ADAM18: variants seen among roughly 807,000 people sequenced by gnomAD.
ADAM18 encodes ADAM metallopeptidase domain 18, also known as disintegrin and metalloproteinase domain-containing protein 18.
ADAM18 carries 117 observed loss-of-function variants against 94.4 expected under a neutral mutation model. The ratio of observed to expected loss-of-function variants is 1.24; its 90% CI spans 1.07 to 1.45. ADAM18 has a LOEUF of 1.45. ADAM18 is among the 40% of genes most tolerant of loss of function. ADAM18 has a pLI of 0.00. For missense variants in ADAM18, 936 were observed against 880.0 expected, an observed-to-expected ratio of 1.06 and a Z score of -0.81; for synonymous variants, 327 against 291.6, an observed-to-expected ratio of 1.12 and a Z score of -1.24.
At position 39,659,562 on chromosome 8, in the gene ADAM18, C is replaced by T. The variant is rs569374175; in HGVS notation, c.1231-4233C>T. Reference sequence around the variant, plus strand: ...TCTCTGAAATATGTAAAACAAAATACGTGGAATATGCACATATCCATCCAT... The same window carrying T: ...TCTCTGAAATATGTAAAACAAAATATGTGGAATATGCACATATCCATCCAT... On this transcript the variant is annotated intron_variant, in intron 12 of 19. Coordinates refer to ENST00000265707, the MANE Select transcript of ADAM18 (RefSeq NM_014237.3). Among the ~76,000 whole-genome samples the T allele has an allele frequency of 7.9e-5, 12 of 152,026 alleles. No homozygotes were observed. The South Asian group carries it at 2.1e-3, about 26-fold the overall frequency.
At chr8:39,628,744 G>A (rs1819844938) in intron 6 of ADAM18, among the ~76,000 whole-genome samples, 1 of 152,002 alleles carries the variant, frequency 6.6e-6, no homozygotes, top group South Asian at 2.1e-4. Context: ...TCAATAAAGT[G>A]TTAAATGAGG....
At chr8:39,624,179 T>C (rs1260221931) in intron 6 of ADAM18, among the ~76,000 whole-genome samples, 1 of 152,260 alleles carries the variant, frequency 6.6e-6, no homozygotes, top group Non-Finnish European at 1.5e-5. Flanking sequence ...TTTATTTATC[T>C]TTGTTGCATT....
At chr8:39,683,354 C>A (rs1339190431) in intron 16 of ADAM18, among the ~76,000 whole-genome samples, 1 of 152,202 alleles carries the variant, frequency 6.6e-6, no homozygotes, top group Non-Finnish European at 1.5e-5. Flanking sequence ...AAGCAAAAGA[C>A]CAAGCTATGC....
intron 6 of ADAM18, among the ~76,000 whole-genome samples, chr8:39,623,819 A>G (rs543455897): frequency 1.8e-4 from 27 of 152,156 alleles, no homozygotes; most frequent in Non-Finnish European, 3.5e-4. Flanking sequence ...GATGGTGTTG[A>G]TCTCCTGACC....
At chr8:39,645,253 A>C (rs1405366477) in intron 10 of ADAM18, 85 bp from the exon 11 acceptor site, 2 of 1,199,460 alleles carry the variant, frequency 1.7e-6, no homozygotes, top group Non-Finnish European at 1.2e-6. Context: ...ATTAAAATAG[A>C]AAATATGATA....
chr8:39,594,566 A>G (rs1261226709), intron 2 of ADAM18, among the ~76,000 whole-genome samples: 1 of 151,958 alleles, frequency 6.6e-6, no homozygotes, highest in African/African-American at 2.4e-5. Flanking sequence ...TCATTTATGA[A>G]GGATATTTTA....
intron 2 of ADAM18, among the ~76,000 whole-genome samples, chr8:39,592,519 AT>A (rs1818600390): frequency 6.6e-6 from 1 of 152,208 alleles, no homozygotes; most frequent in South Asian, 2.1e-4. Flanking sequence ...ATAAAAAAGA[AT>A]GAAATCATGT....
chr8:39,642,770 C>T (rs1015887952), intron 10 of ADAM18, among the ~76,000 whole-genome samples: 3 of 151,908 alleles, frequency 2.0e-5, no homozygotes, highest in African/African-American at 7.2e-5. Flanking sequence ...TAGTCAGTCT[C>T]TTTTGTGGTT....
At chr8:39,660,417 T>A (rs1459015134) in intron 12 of ADAM18, among the ~76,000 whole-genome samples, 5 of 152,126 alleles carry the variant, frequency 3.3e-5, no homozygotes, top group Non-Finnish European at 7.4e-5. Context: ...CTATATTTCA[T>A]GCACATAGTA....
At chr8:39,695,009 C>A (rs1585988669) in intron 17 of ADAM18, among the ~76,000 whole-genome samples, 1 of 151,522 alleles carries the variant, frequency 6.6e-6, no homozygotes, top group South Asian at 2.1e-4. Flanking sequence ...TTTACTGTTT[C>A]TTAGTAATAT....
chr8:39,716,015 T>C (rs1029243486), intron 18 of ADAM18, among the ~76,000 whole-genome samples: 4 of 151,998 alleles, frequency 2.6e-5, no homozygotes, highest in African/African-American at 9.7e-5. Context: ...CCAATGTCTC[T>C]CATCAATTTC....
intron 18 of ADAM18, among the ~76,000 whole-genome samples, chr8:39,720,035 G>T (rs1054828200): frequency 6.7e-6 from 1 of 149,122 alleles, no homozygotes; most frequent in African/African-American, 2.4e-5. Context: ...TTTTGTAATA[G>T]ATAACATCTG....
chr8:39,608,425 C>G (rs536675713), intron 3 of ADAM18, among the ~76,000 whole-genome samples: 16 of 151,988 alleles, frequency 1.1e-4, no homozygotes, highest in African/African-American at 2.4e-4. Context: ...TTACTATAGT[C>G]TGTCTTCATC....
chr8:39,662,131 C>G (rs1433547451), intron 12 of ADAM18, among the ~76,000 whole-genome samples: 1 of 151,826 alleles, frequency 6.6e-6, no homozygotes, highest in Non-Finnish European at 1.5e-5. Flanking sequence ...ATAATGAGAG[C>G]TTTGAGATCA....
intron 18 of ADAM18, among the ~76,000 whole-genome samples, chr8:39,720,243 A>G (rs1371977207): frequency 6.6e-6 from 1 of 151,568 alleles, no homozygotes; most frequent in East Asian, 1.9e-4. Context: ...ATATATAAGT[A>G]TAAAAAATGA....
rs868350562 is a variant in ADAM18, at chr8:39,629,975, C to G, written c.588+536C>G. Among the ~76,000 whole-genome samples, 24 of 151,880 alleles carry G rather than the reference C, an allele frequency of 1.6e-4. 1 individual carries two copies. The Middle Eastern group carries it at 0.017, about 108-fold the overall frequency. On this transcript the variant is annotated intron_variant, in intron 7 of 19. Coordinates refer to ENST00000265707, the MANE Select transcript of ADAM18 (RefSeq NM_014237.3). Reference sequence around the variant, plus strand: ...TTTCTCTTAATCTGCTCCATCCTTTCTGGTCACATTGTTTTATTGAATGCA... The same window carrying G: ...TTTCTCTTAATCTGCTCCATCCTTTGTGGTCACATTGTTTTATTGAATGCA...
chr8:39,626,089 C>T (rs547034552), intron 6 of ADAM18, among the ~76,000 whole-genome samples: 1 of 152,230 alleles, frequency 6.6e-6, no homozygotes, highest in South Asian at 2.1e-4. Context: ...CTCAATCTCA[C>T]TGATGGATAT....
intron 18 of ADAM18, among the ~76,000 whole-genome samples, chr8:39,718,315 G>A (rs756769107): frequency 5.3e-5 from 8 of 151,470 alleles, no homozygotes; most frequent in Non-Finnish European, 1.2e-4. Flanking sequence ...CTACCTAAAT[G>A]TTCATCAATA....
At chr8:39,621,933 G>C (rs1258591503) in intron 6 of ADAM18, among the ~76,000 whole-genome samples, 1 of 152,142 alleles carries the variant, frequency 6.6e-6, no homozygotes, top group Non-Finnish European at 1.5e-5. Context: ...GAGGGTGGAG[G>C]ATGAGAAGAG....
Sources: allele counts gnomAD v4.1 joint callset (sites outside exome capture counted in the v4.1 genomes callset), GRCh38; gene constraint gnomAD v4.1.1; transcripts MANE v1.5; gene names NCBI Gene and HGNC (gene_info 2026-07-23, HGNC 2026-07-21).